Variants in RFWD3 observed in about 807,000 individuals in gnomAD.
RFWD3 encodes the protein E3 ubiquitin-protein ligase RFWD3.
Under a neutral mutation model 87.7 loss-of-function variants are expected in RFWD3, and 65 were observed. The observed-to-expected ratio is 0.74, with a 90% CI of 0.61 to 0.91. The LOEUF (loss-of-function observed/expected upper bound fraction) is 0.91. RFWD3 is among the 40% of genes least tolerant of loss of function. The pLI is 0.00. For missense variants in RFWD3, 1,078 were observed against 938.5 expected (o/e 1.15, Z -1.94); for synonymous variants, 433 against 352.8 (o/e 1.23, Z -2.55).
intron 9 of RFWD3, among the ~76,000 whole-genome samples, chr16:74,632,153 G>A (rs1959119195): frequency 6.6e-6 from 1 of 151,728 alleles, no homozygotes; most frequent in South Asian, 2.1e-4. Context: ...CACTTCAGGA[G>A]GCCGAGGCGG....
chr16:74,656,481 A>T (rs543431387), intron 2 of RFWD3, among the ~76,000 whole-genome samples: 8 of 151,756 alleles, frequency 5.3e-5, no homozygotes, highest in African/African-American at 1.9e-4. Context: ...ATGATCCACC[A>T]TTCTTTTTTT....
intron 12 of RFWD3, among the ~76,000 whole-genome samples, chr16:74,625,439 G>GGGAGGT (rs1402905515): frequency 6.7e-6 from 1 of 149,996 alleles, no homozygotes; most frequent in African/African-American, 2.5e-5. Context: ...GCTTGAACCT[G>GGGAGGT]GGAGGTGGAG....
Position 74,630,987 on chromosome 16 carries a change from G to T in RFWD3, c.1578-30C>A, listed in dbSNP as rs371867484. On this transcript the variant is annotated intron_variant, in intron 9 of 12. Transcript: ENST00000361070. ...GGAGTTACAAAAGACTTTTACAACT[G>T]CATTAAGAAAATCAAATACATGACA... 6 of 1,566,938 alleles carry T rather than the reference G, an allele frequency of 3.8e-6. No homozygotes were observed. In the Admixed American group the frequency reaches 1.2e-4, roughly 31 times the overall value.
intron 10 of RFWD3, 105 bp downstream of exon 10, chr16:74,630,676 G>C: frequency 1.0e-6 from 1 of 968,066 alleles, no homozygotes; most frequent in Non-Finnish European, 1.4e-6. Flanking sequence ...AAAAATTTGT[G>C]AGGATTTCTG....
chr16:74,637,499 C>A (rs977640693), intron 7 of RFWD3, among the ~76,000 whole-genome samples: 4 of 151,996 alleles, frequency 2.6e-5, no homozygotes, highest in African/African-American at 9.7e-5. Context: ...TGGTGGTGGG[C>A]TCCTGTAATC....
rs1958807189 is a variant in RFWD3, at chr16:74,622,826, C to G, written c.*1102G>C. On this transcript the variant is annotated 3_prime_UTR_variant, in exon 13 of 13. Transcript: ENST00000361070. ...GGTTAGGGAGGCAAATCAAAGGAAA[C>G]TGGAATCAAACATCAGCTTCACATG... 6.6e-6 allele frequency: 1 copy of G among 152,158 alleles called. No homozygotes were observed. Among genetic ancestry groups the G allele is most frequent in the Admixed American group, 6.5e-5 (1 of 15,268 alleles). The allele number at this position is 152,158 out of a possible 1,614,324, so 9.4% of individuals were successfully genotyped here.
chr16:74,648,529 T>C (rs1960333605), intron 4 of RFWD3, among the ~76,000 whole-genome samples: 4 of 150,090 alleles, frequency 2.7e-5, no homozygotes, highest in Admixed American at 2.7e-4. Context: ...TCCCAGCACT[T>C]TGGGAGGCCG....
chr16:74,653,471 AAG>A (rs1960724992), intron 2 of RFWD3, among the ~76,000 whole-genome samples: 3 of 151,946 alleles, frequency 2.0e-5, no homozygotes, highest in Admixed American at 6.6e-5. Context: ...CCTAGGTGGC[AAG>A]AGAGAGACTC....
At chr16:74,626,147 A>T (rs1958925687) in intron 12 of RFWD3, among the ~76,000 whole-genome samples, 196 bp downstream of exon 12, 1 of 152,202 alleles carries the variant, frequency 6.6e-6, no homozygotes, top group African/African-American at 2.4e-5. Context: ...GTCAAGATCT[A>T]CAAAGCAATA....
intron 3 of RFWD3, among the ~76,000 whole-genome samples, chr16:74,651,700 G>C (rs1304852071): frequency 6.6e-6 from 1 of 152,148 alleles, no homozygotes; most frequent in Non-Finnish European, 1.5e-5. Context: ...ACTACAAAGT[G>C]ACTAACTCAC....
chr16:74,648,120 A>G (rs1960298180), intron 4 of RFWD3, among the ~76,000 whole-genome samples: 1 of 152,112 alleles, frequency 6.6e-6, no homozygotes, highest in Admixed American at 6.5e-5. Context: ...AATGTGCTTA[A>G]TAATTTATAA....
intron 2 of RFWD3, among the ~76,000 whole-genome samples, chr16:74,656,425 G>C (rs1400302534): frequency 1.3e-5 from 2 of 151,662 alleles, no homozygotes; most frequent in Non-Finnish European, 2.9e-5. Flanking sequence ...ATAGCTGCCA[G>C]TGATTCCTCT....
At chr16:74,649,984 C>T (rs1960446190) in intron 3 of RFWD3, among the ~76,000 whole-genome samples, 2 of 152,296 alleles carry the variant, frequency 1.3e-5, no homozygotes, top group South Asian at 4.1e-4. Flanking sequence ...TTTCTATCAG[C>T]CCACAAAGAT....
At chr16:74,653,268 G>A (rs1960703791) in intron 2 of RFWD3, among the ~76,000 whole-genome samples, 2 of 152,138 alleles carry the variant, frequency 1.3e-5, no homozygotes, top group South Asian at 4.1e-4. Context: ...GAGCCTGGGA[G>A]ATTGAGGCTG....
intron 10 of RFWD3, 84 bp from the exon 11 acceptor site, chr16:74,628,750 C>T (rs1472634604): frequency 9.8e-6 from 12 of 1,219,036 alleles, no homozygotes; most frequent in African/African-American, 1.5e-5. Flanking sequence ...AAGCACATTC[C>T]CACCTCTGCA....
intron 2 of RFWD3, among the ~76,000 whole-genome samples, chr16:74,655,822 G>A (rs572363062): frequency 9.1e-4 from 139 of 152,178 alleles, no homozygotes; most frequent in African/African-American, 2.4e-3. Context: ...CACCACACCC[G>A]GCCTATGTCT....
intron 2 of RFWD3, among the ~76,000 whole-genome samples, chr16:74,655,948 A>G (rs1053615523): frequency 2.6e-5 from 4 of 152,192 alleles, no homozygotes; most frequent in Admixed American, 6.5e-5. Flanking sequence ...TCCTTTAAAT[A>G]TATTACTGCT....
rs780984179 is a variant in RFWD3, at chr16:74,661,400, G to A, written c.50C>T (p.Ala17Val). The A allele has an allele frequency of 1.2e-6, 2 of 1,613,848 alleles. No homozygotes were observed. The highest frequency in any genetic ancestry group is 1.7e-6 in the Non-Finnish European group (2 of 1,179,934). Residue 17 changes from alanine (A) to valine (V), a missense_variant, in exon 2 of 13, where the codon GCC becomes GTC. Physicochemically the swap from Ala to Val is moderately conservative, Grantham distance 64 (BLOSUM62 0). Coordinates refer to ENST00000361070, the MANE Select transcript of RFWD3 (RefSeq NM_018124.4). ...GCCAGCAGGAGCTGGCTGTTGTTCGGCATGATTTAACTGCACCTGAACATC... is the reference window on the plus strand; with the variant it reads ...GCCAGCAGGAGCTGGCTGTTGTTCGACATGATTTAACTGCACCTGAACATC... ...EYDVQVQLNH[A>V]EQQPAPAGMA... is the part of the protein sequence containing the mutation.
At chr16:74,657,859 G>A (rs1961120276) in intron 2 of RFWD3, among the ~76,000 whole-genome samples, 1 of 152,048 alleles carries the variant, frequency 6.6e-6, no homozygotes, top group Non-Finnish European at 1.5e-5. Context: ...GCTACCATGA[G>A]ACTAAACACA....
Sources: allele counts gnomAD v4.1 joint callset (sites outside exome capture counted in the v4.1 genomes callset), GRCh38; gene constraint gnomAD v4.1.1; transcripts MANE v1.5; gene names NCBI Gene and HGNC (gene_info 2026-07-23, HGNC 2026-07-21).